ZNF565: variants seen among roughly 807,000 people sequenced by gnomAD.
ZNF565 encodes zinc finger protein 565.
ZNF565 carries 27 observed loss-of-function variants against 39.4 expected under a neutral mutation model. The ratio of observed to expected loss-of-function variants is 0.69; its 90% CI spans 0.51 to 0.95. The LOEUF (loss-of-function observed/expected upper bound fraction) is 0.95. Among genes scored for constraint, ZNF565 ranks in the 40% least tolerant of loss-of-function variants. The probability of loss-of-function intolerance (pLI) is 0.00; values close to 1 mark genes in which losing one functional copy is unlikely to be tolerated. For missense variants in ZNF565, 524 were observed against 621.1 expected, an observed-to-expected ratio of 0.84 and a Z score of 1.66; for synonymous variants, 185 against 216.6, an observed-to-expected ratio of 0.85 and a Z score of 1.28.
chr19:36,195,513 C>G (rs1305454798), intron 2 of ZNF565, among the ~76,000 whole-genome samples: 6 of 149,956 alleles, frequency 4.0e-5, no homozygotes, highest in African/African-American at 1.5e-4. Flanking sequence ...AGATTAAATT[C>G]TAATTGCCCC....
chr19:36,223,357 A>AG (rs34297996), intron 1 of ZNF565, among the ~76,000 whole-genome samples: 2 of 151,514 alleles, frequency 1.3e-5, no homozygotes, highest in African/African-American at 4.9e-5. Context: ...AAAAAAAAAA[A>AG]TCTAGTTACA....
At chr19:36,217,057 T>A (rs1298481807), upstream of ZNF565, among the ~76,000 whole-genome samples, 3 of 69,598 alleles carry the variant, frequency 4.3e-5, no homozygotes, top group African/African-American at 1.5e-4. Context: ...GTCCCTGTCT[T>A]TTTTTTTTTT....
chr19:36,193,501 C>T (rs1295955098), intron 4 of ZNF565, among the ~76,000 whole-genome samples: 18 of 136,016 alleles, frequency 1.3e-4, no homozygotes, highest in African/African-American at 4.1e-4. Flanking sequence ...AGTGCAGTGG[C>T]GCGATCTCGG....
At chr19:36,214,743 C>G (rs567877851), upstream of ZNF565, 1 of 152,290 alleles carries the variant, frequency 6.6e-6, no homozygotes, top group Admixed American at 6.5e-5. Context: ...GCTAGATCGG[C>G]CACGGACAGA....
intron 2 of ZNF565, among the ~76,000 whole-genome samples, chr19:36,199,373 C>T (rs1346545854): frequency 6.6e-6 from 1 of 152,128 alleles, no homozygotes; most frequent in African/African-American, 2.4e-5. Flanking sequence ...GATGTTACCA[C>T]ATACAGAGAC....
At chr19:36,204,410 G>A (rs1976076985) in intron 1 of ZNF565, among the ~76,000 whole-genome samples, 1 of 152,170 alleles carries the variant, frequency 6.6e-6, no homozygotes, top group African/African-American at 2.4e-5. Context: ...ACACTGGACT[G>A]AAAGCAAATG....
At chr19:36,192,649 G>A (rs1975601344) in intron 4 of ZNF565, among the ~76,000 whole-genome samples, 2 of 151,974 alleles carry the variant, frequency 1.3e-5, no homozygotes, top group African/African-American at 4.8e-5. Flanking sequence ...GCTGAGACAG[G>A]AGAATTACTT....
At chr19:36,218,967 T>C (rs1454853962), upstream of ZNF565, among the ~76,000 whole-genome samples, 3 of 150,126 alleles carry the variant, frequency 2.0e-5, no homozygotes, top group African/African-American at 7.4e-5. Flanking sequence ...CACCACCACG[T>C]CCGGCTAATT....
intron 2 of ZNF565, among the ~76,000 whole-genome samples, chr19:36,201,451 T>C (rs562215690): frequency 3.9e-4 from 60 of 152,180 alleles, no homozygotes; most frequent in Non-Finnish European, 4.9e-4. Context: ...GTATTTCTAC[T>C]GTACTGGTGC....
chr19:36,241,367 C>G (rs1204141530), intron 1 of ZNF565, among the ~76,000 whole-genome samples: 1 of 151,686 alleles, frequency 6.6e-6, no homozygotes, highest in Non-Finnish European at 1.5e-5. Flanking sequence ...GCCAGTAATC[C>G]CAGCTACTTG....
chr19:36,211,852 C>T (rs1976372827), intron 1 of ZNF565, among the ~76,000 whole-genome samples: 1 of 151,532 alleles, frequency 6.6e-6, no homozygotes, highest in Non-Finnish European at 1.5e-5. Flanking sequence ...GGAAACAAAC[C>T]CCAAAACCCC....
In ZNF565 at chr19:36,183,644, T is replaced by C; in HGVS notation, c.322A>G (p.Ser108Gly). Residue 108 changes from serine to glycine, a missense_variant, in exon 5 of 5, where the codon AGT (serine) becomes GGT (glycine). Coordinates refer to ENST00000304116, the MANE Select transcript of ZNF565 (RefSeq NM_152477.5). ...NWEIMESLKC[S>G]DLEGSDFRAD... is the part of the protein sequence containing the mutation. The stretch of plus-strand genomic sequence containing the variant: ...CTAAAATCGGAGCCCTCCAGGTCAC[T>C]GCATTTAAGGCTTTCCATTATCTCC... 1.2e-6 allele frequency: 2 copies of C among 1,614,200 alleles called. No individual in the cohort carries two copies. Among genetic ancestry groups the C allele is most frequent in the East Asian group, 2.2e-5 (1 of 44,886 alleles).
At chr19:36,208,546 A>G (rs1324016944) in intron 1 of ZNF565, among the ~76,000 whole-genome samples, 1 of 152,132 alleles carries the variant, frequency 6.6e-6, no homozygotes. Flanking sequence ...TTAGAGCTCC[A>G]ACATCAAAAC....
At chr19:36,223,058 C>G (rs567295100) in intron 1 of ZNF565, among the ~76,000 whole-genome samples, 4 of 152,090 alleles carry the variant, frequency 2.6e-5, no homozygotes, top group Non-Finnish European at 5.9e-5. Context: ...AAGCAAGTCT[C>G]AGACTCCCAA....
At chr19:36,226,289 G>A (rs776923209) in intron 1 of ZNF565, among the ~76,000 whole-genome samples, 2 of 152,078 alleles carry the variant, frequency 1.3e-5, no homozygotes, top group Non-Finnish European at 2.9e-5. Flanking sequence ...TCACCTTCTC[G>A]TGTTTCTGTC....
At chr19:36,205,756 A>G (rs1976128284) in intron 1 of ZNF565, among the ~76,000 whole-genome samples, 1 of 152,078 alleles carries the variant, frequency 6.6e-6, no homozygotes, top group Non-Finnish European at 1.5e-5. Flanking sequence ...GGACATTGGC[A>G]GCAGAAAAGA....
intron 1 of ZNF565, among the ~76,000 whole-genome samples, chr19:36,202,636 G>A (rs564252403): frequency 2.0e-5 from 3 of 152,084 alleles, no homozygotes; most frequent in South Asian, 2.1e-4. Context: ...AGGATCTTAC[G>A]ACTCAGACTC....
chr19:36,211,449 TCACACACACACACACACACACA>T (rs370230430), intron 1 of ZNF565, among the ~76,000 whole-genome samples: 3 of 137,776 alleles, frequency 2.2e-5, no homozygotes, highest in Admixed American at 7.5e-5. Flanking sequence ...CAACTCTCTC[TCACACACACACACACACACACA>T]CACACACACA....
chr19:36,227,958 C>T (rs566915447), intron 1 of ZNF565, among the ~76,000 whole-genome samples: 16 of 152,098 alleles, frequency 1.1e-4, no homozygotes, highest in African/African-American at 3.9e-4. Flanking sequence ...GTCAGGAGTT[C>T]GAGACCAGCC....
Sources: gnomAD v4.1 joint callset for allele counts (sites outside exome capture counted in the v4.1 genomes callset) on GRCh38, gnomAD v4.1.1 for gene constraint, MANE v1.5 for transcripts, NCBI Gene and HGNC (gene_info 2026-07-23, HGNC 2026-07-21) for gene names.